Variants in FRAS1 observed in about 807,000 individuals in gnomAD.
The protein encoded by FRAS1 is Fraser extracellular matrix complex subunit 1.
In FRAS1, 290 loss-of-function variants were observed where a neutral mutation model predicts 435.2. The ratio of observed to expected loss-of-function variants is 0.67; its 90% CI spans 0.61 to 0.73. The LOEUF (loss-of-function observed/expected upper bound fraction) is 0.73. Ranked by LOEUF, FRAS1 falls within the 30% of genes least tolerant of loss-of-function variation. The probability of loss-of-function intolerance (pLI) is 0.00; values close to 1 mark genes in which losing one functional copy is unlikely to be tolerated. For missense variants in FRAS1, 4,860 were observed against 5,001.5 expected, an observed-to-expected ratio of 0.97 and a Z score of 0.85; for synonymous variants, 1,800 against 1,851.0, an observed-to-expected ratio of 0.97 and a Z score of 0.71.
At chr4:78,244,981 A>G (rs1471799445) in intron 3 of FRAS1, among the ~76,000 whole-genome samples, 1 of 152,202 alleles carries the variant, frequency 6.6e-6, no homozygotes, top group African/African-American at 2.4e-5. Flanking sequence ...TCTCAAGTTC[A>G]TCACATGTGA....
chr4:78,420,076 G>A (rs148346388), intron 33 of FRAS1, among the ~76,000 whole-genome samples: 405 of 152,206 alleles, frequency 2.7e-3, no homozygotes, highest in Non-Finnish European at 3.8e-3. Flanking sequence ...GTCCAGTAGA[G>A]GTGCAGCTGC....
At chr4:78,498,887 G>C (rs767384178) in intron 60 of FRAS1, among the ~76,000 whole-genome samples, 2 of 144,988 alleles carry the variant, frequency 1.4e-5, no homozygotes, top group African/African-American at 5.2e-5. Flanking sequence ...TTGCTTTGTC[G>C]CCCAGGCTGG....
chr4:78,138,451 C>A (rs529919539), intron 2 of FRAS1, among the ~76,000 whole-genome samples: 1 of 152,298 alleles, frequency 6.6e-6, no homozygotes, highest in East Asian at 1.9e-4. Context: ...TAAGCCTGGA[C>A]TTTCATCCAG....
At chr4:78,355,938 G>A (rs547912459) in intron 20 of FRAS1, among the ~76,000 whole-genome samples, 3 of 152,220 alleles carry the variant, frequency 2.0e-5, no homozygotes, top group South Asian at 2.1e-4. Context: ...CTCATCAGAC[G>A]GTTACCACCA....
chr4:78,118,282 C>A (rs1167234228), intron 2 of FRAS1, among the ~76,000 whole-genome samples: 1 of 152,164 alleles, frequency 6.6e-6, no homozygotes, highest in Non-Finnish European at 1.5e-5. Context: ...GGACCAGGGA[C>A]CCACTTGAGG....
intron 53 of FRAS1, among the ~76,000 whole-genome samples, chr4:78,474,654 G>A (rs1004414779): frequency 1.3e-5 from 2 of 152,098 alleles, no homozygotes; most frequent in Non-Finnish European, 2.9e-5. Flanking sequence ...GGTATAGACG[G>A]TCCCAAAGCT....
intron 32 of FRAS1, among the ~76,000 whole-genome samples, chr4:78,417,825 G>T (rs1733611665): frequency 6.6e-6 from 1 of 152,088 alleles, no homozygotes; most frequent in African/African-American, 2.4e-5. Context: ...AAGAAGGAGG[G>T]CTTCAAAGAG....
chr4:78,454,389 A>C (rs1719122009), intron 47 of FRAS1, among the ~76,000 whole-genome samples: 1 of 152,068 alleles, frequency 6.6e-6, no homozygotes, highest in Admixed American at 6.6e-5. Flanking sequence ...CTGGGTCCAG[A>C]GCAATGGTGG....
At chr4:78,129,182 G>C (rs1191379537) in intron 2 of FRAS1, among the ~76,000 whole-genome samples, 1 of 152,216 alleles carries the variant, frequency 6.6e-6, no homozygotes, top group African/African-American at 2.4e-5. Flanking sequence ...TTGAAGTCAG[G>C]TAGCGTGATG....
rs1003185625 is a variant in FRAS1, at chr4:78,540,060, G to A, written c.11446-471G>A. Reference sequence around the variant, plus strand: ...AAGGTGTTTAGAAAATGTTTGTCACGTATCTGTGTATTATGCACAGAGTAT... The same window carrying A: ...AAGGTGTTTAGAAAATGTTTGTCACATATCTGTGTATTATGCACAGAGTAT... On this transcript the variant is annotated intron_variant, in intron 73 of 73. Transcript: ENST00000512123. Among the ~76,000 whole-genome samples, 4 of 152,174 alleles carry A rather than the reference G, an allele frequency of 2.6e-5. No homozygotes were observed. In the East Asian group the frequency reaches 7.7e-4, roughly 29 times the overall value.
intron 17 of FRAS1, 124 bp downstream of exon 17, chr4:78,317,632 C>T: frequency 1.2e-6 from 1 of 841,722 alleles, no homozygotes; most frequent in South Asian, 2.0e-5. Flanking sequence ...GCTATCCATA[C>T]ATTATATGCA....
At chr4:78,129,373 C>T (rs1014228386) in intron 2 of FRAS1, among the ~76,000 whole-genome samples, 15 of 152,130 alleles carry the variant, frequency 9.9e-5, no homozygotes, top group South Asian at 6.2e-4. Flanking sequence ...GTTGATTAGG[C>T]GATTGCATTT....
At chr4:78,422,077 C>T in intron 34 of FRAS1, 77 bp downstream of exon 34, 2 of 1,464,840 alleles carry the variant, frequency 1.4e-6, no homozygotes, top group Non-Finnish European at 1.8e-6. Flanking sequence ...CTAACTCTCC[C>T]TGCAGTCCTC....
chr4:78,450,121 A>G lies in FRAS1; in HGVS notation c.6275-30A>G, dbSNP rs1402019547. The G allele has an allele frequency of 2.5e-6, 4 of 1,569,010 alleles. No individual in the cohort carries two copies. The Admixed American group carries it at 5.4e-5, about 21-fold the overall frequency. On this transcript the variant is annotated intron_variant, in intron 44 of 73. Transcript: ENST00000512123. ...TCCCGTTCAAAGGAAATGTTGGGGA[A>G]TAACCTACTCTCTTCCGTTCTCTTC...
chr4:78,374,113 T>C lies in FRAS1; in HGVS notation c.3013T>C (p.Cys1005Arg). The change falls in exon 25 of 74, where the codon TGT becomes CGT. Residue 1005 changes from cysteine to arginine, a missense_variant and splice_region_variant. Coordinates refer to ENST00000512123, the MANE Select transcript of FRAS1 (RefSeq NM_025074.7). ...FYQDSGLCKN[C>R]DSYCLQCQGP... ...ATGACTTGACTTTTGTCTTTCAGACTGTGACAGCTACTGTCTCCAGTGCCA... is the reference window on the plus strand; with the variant it reads ...ATGACTTGACTTTTGTCTTTCAGACCGTGACAGCTACTGTCTCCAGTGCCA... 6.4e-7 allele frequency: 1 copy of C among 1,573,548 alleles called. No homozygotes were observed. Among genetic ancestry groups the C allele is most frequent in the Non-Finnish European group, 8.7e-7 (1 of 1,150,898 alleles).
chr4:78,475,039 T>A (rs887402298), intron 53 of FRAS1, among the ~76,000 whole-genome samples: 3 of 152,150 alleles, frequency 2.0e-5, no homozygotes, highest in Non-Finnish European at 4.4e-5. Context: ...CCCACCTAAG[T>A]CATTGATTGC....
At chr4:78,329,687 C>T (rs758109076) in intron 18 of FRAS1, among the ~76,000 whole-genome samples, 4 of 152,218 alleles carry the variant, frequency 2.6e-5, no homozygotes, top group Non-Finnish European at 5.9e-5. Context: ...TCTGTATCAC[C>T]TATTCCTATA....
At chr4:78,499,257 G>T (rs1330162970) in intron 60 of FRAS1, among the ~76,000 whole-genome samples, 1 of 151,936 alleles carries the variant, frequency 6.6e-6, no homozygotes, top group East Asian at 1.9e-4. Context: ...GGGTGGACTT[G>T]GTAAATTTAA....
intron 2 of FRAS1, among the ~76,000 whole-genome samples, chr4:78,223,022 CT>C (rs1467945279): frequency 6.6e-6 from 1 of 152,202 alleles, no homozygotes; most frequent in Admixed American, 6.5e-5. Flanking sequence ...ATACCTGCTT[CT>C]TTTCGGTGGC....
Sources: gnomAD v4.1 joint callset for allele counts (sites outside exome capture counted in the v4.1 genomes callset) on GRCh38, gnomAD v4.1.1 for gene constraint, MANE v1.5 for transcripts, NCBI Gene and HGNC (gene_info 2026-07-23, HGNC 2026-07-21) for gene names.